The following LUZP2 variants were observed in gnomAD, a reference collection of about 807,000 sequenced individuals.
The protein encoded by LUZP2 is leucine zipper protein 2.
A neutral mutation model predicts 51.6 loss-of-function variants in LUZP2; 52 were observed. The ratio of observed to expected loss-of-function variants is 1.01; its 90% CI spans 0.81 to 1.27. The LOEUF is 1.27. Among genes scored for constraint, LUZP2 ranks in the 50% most tolerant of loss-of-function variants. The probability of loss-of-function intolerance (pLI) is 0.00; values close to 1 mark genes in which losing one functional copy is unlikely to be tolerated. For synonymous variants in LUZP2, 154 were observed against 137.3 expected (o/e 1.12, Z -0.85); for missense variants, 436 against 395.4 (o/e 1.10, Z -0.87).
chr11:24,852,730 A>T (rs984986670), intron 5 of LUZP2, among the ~76,000 whole-genome samples: 6 of 151,912 alleles, frequency 3.9e-5, no homozygotes, highest in African/African-American at 1.5e-4. Flanking sequence ...GGCCTCTAAG[A>T]ACTTGCTTTA....
At chr11:25,006,245 A>G (rs1470014644) in intron 9 of LUZP2, among the ~76,000 whole-genome samples, 2 of 152,108 alleles carry the variant, frequency 1.3e-5, no homozygotes, top group Admixed American at 6.6e-5. Context: ...TAGAAGCAGG[A>G]CTAGTCTTGG....
rs1310725760 is a variant in LUZP2 at position 24,991,390 on chromosome 11, G to A, written c.765+8097G>A. Among the ~76,000 whole-genome samples the A allele has an allele frequency of 4.9e-3, 311 of 63,552 alleles. 1 individual carries two copies. The highest frequency in any genetic ancestry group is 8.6e-3 in the Non-Finnish European group (216 of 25,206). 41.7% of individuals were successfully genotyped at this position (63,552 alleles called of 152,430 possible). On this transcript the variant is annotated intron_variant, in intron 9 of 11. Transcript: ENST00000336930. ...TGTGTATATATATGTGTGTGTGTGT[G>A]TGTGTGTATATATATATATATATAT...
At chr11:24,512,547 G>A (rs373072174) in intron 1 of LUZP2, among the ~76,000 whole-genome samples, 41 of 152,168 alleles carry the variant, frequency 2.7e-4, no homozygotes, top group African/African-American at 9.9e-4. Flanking sequence ...TCAGAAAAAT[G>A]ACAAATGAAT....
intron 1 of LUZP2, among the ~76,000 whole-genome samples, chr11:24,705,058 C>T (rs1421478089): frequency 6.6e-6 from 1 of 152,078 alleles, no homozygotes; most frequent in Non-Finnish European, 1.5e-5. Context: ...CAGTATACAT[C>T]CAAGACTCTT....
At chr11:25,076,885 T>A (rs940165057) in intron 10 of LUZP2, among the ~76,000 whole-genome samples, 1 of 152,002 alleles carries the variant, frequency 6.6e-6, no homozygotes, top group Non-Finnish European at 1.5e-5. Context: ...AAAAAGATAC[T>A]GAGGATTTTA....
At chr11:24,537,731 A>AT in intron 1 of LUZP2, among the ~76,000 whole-genome samples, 1 of 152,014 alleles carries the variant, frequency 6.6e-6, no homozygotes, top group African/African-American at 2.4e-5. Context: ...AGCCTTTTAC[A>AT]ATTTTTTACG....
rs3992972 is a variant in LUZP2 at position 25,021,425 on chromosome 11, T to TTGTGTG, written c.766-28595_766-28590dup. 7.9e-3 allele frequency among the ~76,000 whole-genome samples: 1,190 copies of TTGTGTG among 149,734 alleles called. 35 individuals are homozygous for TTGTGTG. The East Asian group carries it at 0.1, about 13-fold the overall frequency. On this transcript the variant is annotated intron_variant, in intron 9 of 11. Coordinates refer to ENST00000336930, the MANE Select transcript of LUZP2 (RefSeq NM_001009909.4). ...TATTGTCCATGCATGTGCACACAGG[T>TTGTGTG]TGTGTGTGTGTGTGTGTGTGTGTAC...
chr11:24,582,426 C>T (rs1852898605), intron 1 of LUZP2, among the ~76,000 whole-genome samples: 1 of 147,490 alleles, frequency 6.8e-6, no homozygotes, highest in African/African-American at 2.5e-5. Context: ...AGCCACAGTA[C>T]ATAGGATGTA....
At chr11:24,653,632 G>A (rs545474517) in intron 1 of LUZP2, among the ~76,000 whole-genome samples, 4 of 152,228 alleles carry the variant, frequency 2.6e-5, no homozygotes, top group Admixed American at 2.0e-4. Context: ...AACAGAATAG[G>A]GATGAATTCC....
At chr11:24,826,650 A>G (rs892891190) in intron 5 of LUZP2, among the ~76,000 whole-genome samples, 6 of 151,990 alleles carry the variant, frequency 3.9e-5, no homozygotes, top group Non-Finnish European at 8.8e-5. Flanking sequence ...AATATTCACT[A>G]TTTTGATTCA....
intron 11 of LUZP2, among the ~76,000 whole-genome samples, chr11:25,078,226 T>G (rs1275128359): frequency 6.6e-6 from 1 of 152,218 alleles, no homozygotes; most frequent in Non-Finnish European, 1.5e-5. Flanking sequence ...TTCTTAATAT[T>G]TATTTCACTT....
At chr11:24,782,777 A>G (rs1418043990) in intron 5 of LUZP2, among the ~76,000 whole-genome samples, 1 of 152,068 alleles carries the variant, frequency 6.6e-6, no homozygotes, top group African/African-American at 2.4e-5. Flanking sequence ...CAAAAAGGAA[A>G]TAAAAGCTCT....
chr11:25,023,403 C>A (rs1367460960), intron 9 of LUZP2, among the ~76,000 whole-genome samples: 1 of 152,070 alleles, frequency 6.6e-6, no homozygotes, highest in East Asian at 1.9e-4. Context: ...TTAACCATTT[C>A]TTCTAGATTT....
intron 10 of LUZP2, among the ~76,000 whole-genome samples, chr11:25,071,908 G>GA (rs1365744499): frequency 6.6e-6 from 1 of 151,904 alleles, no homozygotes; most frequent in Non-Finnish European, 1.5e-5. Context: ...GCAATGGAAA[G>GA]AAAAAAATGT....
intron 1 of LUZP2, among the ~76,000 whole-genome samples, chr11:24,529,077 A>C (rs547818539): frequency 6.6e-6 from 1 of 151,076 alleles, no homozygotes; most frequent in Admixed American, 6.6e-5. Flanking sequence ...CTGTCCTTTA[A>C]TAATAACATA....
At chr11:24,500,358 C>G (rs1849957625) in intron 1 of LUZP2, among the ~76,000 whole-genome samples, 2 of 152,068 alleles carry the variant, frequency 1.3e-5, no homozygotes, top group Non-Finnish European at 2.9e-5. Context: ...GTAACTAATA[C>G]AGAAACTCAT....
At chr11:24,711,486 TAAATA>T (rs1857826265) in intron 1 of LUZP2, among the ~76,000 whole-genome samples, 1 of 111,196 alleles carries the variant, frequency 9.0e-6, no homozygotes, top group Non-Finnish European at 2.1e-5. Flanking sequence ...AATAAATAAA[TAAATA>T]AAGATTTTCT....
intron 5 of LUZP2, among the ~76,000 whole-genome samples, chr11:24,884,958 A>G (rs760257037): frequency 2.0e-5 from 3 of 152,068 alleles, no homozygotes; most frequent in Non-Finnish European, 4.4e-5. Flanking sequence ...CTTTAGCTAC[A>G]TTTTTAACCT....
chr11:24,513,299 T>C (rs1850368378), intron 1 of LUZP2, among the ~76,000 whole-genome samples: 2 of 152,180 alleles, frequency 1.3e-5, no homozygotes, highest in South Asian at 4.1e-4. Flanking sequence ...GACTTGATCA[T>C]ATCTTAGCTA....
Sources: allele counts gnomAD v4.1 joint callset (sites outside exome capture counted in the v4.1 genomes callset), GRCh38; gene constraint gnomAD v4.1.1; transcripts MANE v1.5; gene names NCBI Gene and HGNC (gene_info 2026-07-23, HGNC 2026-07-21).